The following ALMS1 variants were observed in gnomAD, a reference collection of about 807,000 sequenced individuals.
The protein encoded by ALMS1 is centrosome-associated protein ALMS1.
A neutral mutation model predicts 352.2 loss-of-function variants in ALMS1; 271 were observed. The observed-to-expected ratio is 0.77, with a 90% CI of 0.70 to 0.85. The LOEUF (loss-of-function observed/expected upper bound fraction) is 0.85. Among genes scored for constraint, ALMS1 ranks in the 40% least tolerant of loss-of-function variants. The pLI, the probability that ALMS1 is intolerant of heterozygous loss-of-function variation, is 0.00. For missense variants in ALMS1, 5,445 were observed against 4,870.7 expected (o/e 1.12, Z -3.51); for synonymous variants, 1,865 against 1,761.2 (o/e 1.06, Z -1.48).
chr2:73,564,498 A>G (rs1489075600), intron 15 of ALMS1, among the ~76,000 whole-genome samples: 4 of 151,822 alleles, frequency 2.6e-5, no homozygotes, highest in African/African-American at 9.7e-5. Flanking sequence ...TCAAACATGT[A>G]ATTCAATGAT....
chr2:73,529,406 T>A (rs532504547), intron 11 of ALMS1, among the ~76,000 whole-genome samples: 3 of 152,264 alleles, frequency 2.0e-5, no homozygotes, highest in Admixed American at 1.3e-4. Context: ...CCAGGATTGG[T>A]TTTTAGTGTC....
At chr2:73,574,684 A>G (rs374202647) in intron 16 of ALMS1, among the ~76,000 whole-genome samples, 1 of 152,150 alleles carries the variant, frequency 6.6e-6, no homozygotes, top group African/African-American at 2.4e-5. Context: ...AAGAATTGGG[A>G]ATGGTACAGA....
At position 73,572,516 on chromosome 2, in the gene ALMS1, A is replaced by G. The variant is rs1674957817; in HGVS notation, c.10639A>G (p.Ser3547Gly). Residue 3547 changes from serine (S) to glycine (G), a missense_variant, in exon 16 of 23, where the codon AGC becomes GGC. Coordinates refer to ENST00000613296, the MANE Select transcript of ALMS1 (RefSeq NM_001378454.1). The part of the protein sequence containing the change: ...KTKTDYTRIK[S>G]LSINVNLGNK... Reference sequence around the variant, plus strand: ...TAAGACAGATTATACCAGAATAAAGAGCCTCAGCATCAATGTGAATTTGGG... The same window carrying G: ...TAAGACAGATTATACCAGAATAAAGGGCCTCAGCATCAATGTGAATTTGGG... The G allele has an allele frequency of 3.1e-6, 5 of 1,613,706 alleles. No homozygotes were observed. The South Asian group carries it at 4.4e-5, about 14-fold the overall frequency.
intron 10 of ALMS1, among the ~76,000 whole-genome samples, chr2:73,495,716 C>T (rs542714077): frequency 3.3e-5 from 5 of 152,040 alleles, no homozygotes; most frequent in African/African-American, 9.6e-5. Context: ...TATCTTTTAA[C>T]GTGTGTGTGT....
chr2:73,454,900 G>A (rs770773887), intron 8 of ALMS1, among the ~76,000 whole-genome samples: 10 of 152,166 alleles, frequency 6.6e-5, no homozygotes, highest in Non-Finnish European at 1.3e-4. Context: ...TTAAAAGGAG[G>A]ATTAAGATAA....
intron 1 of ALMS1, among the ~76,000 whole-genome samples, chr2:73,402,260 TTCTC>T (rs199906776): frequency 4.7e-5 from 7 of 149,662 alleles, no homozygotes; most frequent in African/African-American, 1.7e-4. Flanking sequence ...TTTTCTTTCT[TTCTC>T]TCTCTCTTTT....
chr2:73,521,580 CAAAAAAAAAAA>C (rs565126393), intron 11 of ALMS1, among the ~76,000 whole-genome samples: 1 of 94,902 alleles, frequency 1.1e-5, no homozygotes, highest in Non-Finnish European at 2.3e-5. Context: ...ACTAAAAATA[CAAAAAAAAAAA>C]AAAAAAAAAA....
At position 73,449,680 on chromosome 2, in the gene ALMS1, A is replaced by C. The variant is rs1392773390; in HGVS notation, c.3153A>C (p.Pro1051=). Residue 1051 remains proline (P), a synonymous_variant, in exon 8 of 23, where the codon CCA becomes CCC. Coordinates refer to ENST00000613296, the MANE Select transcript of ALMS1 (RefSeq NM_001378454.1). ...EIPAVQSSSY[P]QREKPSVLYP... The stretch of plus-strand genomic sequence containing the variant: ...CAGCAGTACAGTCTAGTTCTTACCC[A>C]CAGAGGGAGAAGCCTAGTGTTTTGT... 5 of 1,613,962 alleles carry C rather than the reference A, an allele frequency of 3.1e-6. No homozygotes were observed. The highest frequency in any genetic ancestry group is 1.6e-4 in the Middle Eastern group (1 of 6,082).
intron 9 of ALMS1, among the ~76,000 whole-genome samples, chr2:73,487,827 A>T (rs942505382): frequency 6.6e-6 from 1 of 152,004 alleles, no homozygotes; most frequent in Non-Finnish European, 1.5e-5. Context: ...CTGTCAGTGG[A>T]GAGGAGAACC....
intron 11 of ALMS1, among the ~76,000 whole-genome samples, chr2:73,521,650 TGAGGCAG>T (rs1478138156): frequency 6.7e-6 from 1 of 149,818 alleles, no homozygotes; most frequent in Non-Finnish European, 1.5e-5. Flanking sequence ...CTTGGGAGGC[TGAGGCAG>T]GAGGATGGCA....
At chr2:73,390,096 T>G (rs1670612587) in intron 1 of ALMS1, among the ~76,000 whole-genome samples, 1 of 152,204 alleles carries the variant, frequency 6.6e-6, no homozygotes, top group African/African-American at 2.4e-5. Context: ...AGATATTTTC[T>G]TATTTACCTG....
intron 9 of ALMS1, among the ~76,000 whole-genome samples, chr2:73,478,939 G>C (rs1672638899): frequency 6.6e-6 from 1 of 152,088 alleles, no homozygotes; most frequent in Non-Finnish European, 1.5e-5. Context: ...AACACGTGGT[G>C]TTTGGTTTTC....
chr2:73,554,188 A>G (rs1028990689), intron 13 of ALMS1, among the ~76,000 whole-genome samples: 4 of 152,076 alleles, frequency 2.6e-5, no homozygotes, highest in Admixed American at 6.5e-5. Context: ...AATACTGACT[A>G]AAGAAAAGCT....
At chr2:73,392,506 AT>A (rs1358588165) in intron 1 of ALMS1, among the ~76,000 whole-genome samples, 1 of 152,136 alleles carries the variant, frequency 6.6e-6, no homozygotes, top group African/African-American at 2.4e-5. Context: ...ACTTTAGCTG[AT>A]ATCCCCCGTC....
In ALMS1 at chr2:73,488,662, C is replaced by T. The variant is rs1672908086; in HGVS notation, c.7675-972C>T. 2.0e-5 allele frequency among the ~76,000 whole-genome samples: 3 copies of T among 152,220 alleles called. No homozygotes were observed. In the South Asian group the frequency reaches 6.2e-4, roughly 32 times the overall value. On this transcript the variant is annotated intron_variant, in intron 9 of 22. Transcript: ENST00000613296. Reference sequence around the variant, plus strand: ...CTGCAGCTGGCATCATTGCAGCAGCCACTCCAGATGGGATGCCGCTGCCAT... The same window carrying T: ...CTGCAGCTGGCATCATTGCAGCAGCTACTCCAGATGGGATGCCGCTGCCAT...
chr2:73,399,350 T>C (rs547923881), intron 1 of ALMS1, among the ~76,000 whole-genome samples: 24 of 152,214 alleles, frequency 1.6e-4, no homozygotes, highest in Admixed American at 4.6e-4. Flanking sequence ...CTGGGTAAGT[T>C]ACAATGAAAA....
Position 73,490,560 on chromosome 2 carries a change from G to A in ALMS1, c.8601G>A (p.Glu2867=). The A allele has an allele frequency of 6.2e-7, 1 of 1,614,176 alleles. No homozygotes were observed. Among genetic ancestry groups the A allele is most frequent in the Non-Finnish European group, 8.5e-7 (1 of 1,180,012 alleles). The part of the protein sequence containing the change: ...NRSSSRLGVK[E]KNVTITPDLP... The stretch of plus-strand genomic sequence containing the variant: ...CGAGTTCCAGACTAGGAGTAAAAGA[G>A]AAGAATGTAACTATAACTCCAGATC... Residue 2867 remains glutamate, a synonymous_variant, in exon 10 of 23, where the codon GAG becomes GAA. Coordinates refer to ENST00000613296, the MANE Select transcript of ALMS1 (RefSeq NM_001378454.1).
intron 9 of ALMS1, among the ~76,000 whole-genome samples, chr2:73,484,938 G>C (rs1343008365): frequency 2.0e-5 from 3 of 152,042 alleles, no homozygotes; most frequent in Non-Finnish European, 4.4e-5. Context: ...GCTCCTTTAA[G>C]CACTTCTCTG....
chr2:73,438,984 TTTCTTCTTCTTCC>T (rs1372862929), intron 7 of ALMS1, among the ~76,000 whole-genome samples: 2 of 133,760 alleles, frequency 1.5e-5, no homozygotes, highest in African/African-American at 6.8e-5. Context: ...AGTTCTTTTC[TTTCTTCTTCTTCC>T]TCTTCTTCCT....
Sources: gnomAD v4.1 joint callset for allele counts (sites outside exome capture counted in the v4.1 genomes callset) on GRCh38, gnomAD v4.1.1 for gene constraint, MANE v1.5 for transcripts, NCBI Gene and HGNC (gene_info 2026-07-23, HGNC 2026-07-21) for gene names.